Variants in CSMD2 observed in about 807,000 individuals in gnomAD.
CSMD2 encodes CUB and sushi domain-containing protein 2.
In CSMD2, 130 loss-of-function variants were observed where a neutral mutation model predicts 398.5. The ratio of observed to expected loss-of-function variants is 0.33; its 90% CI spans 0.28 to 0.38. CSMD2 has a LOEUF of 0.38. Ranked by LOEUF, CSMD2 falls within the 10% of genes least tolerant of loss-of-function variation. The pLI is 1.00. For missense variants in CSMD2, 3,829 were observed against 4,764.9 expected (o/e 0.80, Z 5.78); for synonymous variants, 1,828 against 1,908.5 (o/e 0.96, Z 1.10).
At chr1:33,852,554 T>C (rs1429895684) in intron 5 of CSMD2, among the ~76,000 whole-genome samples, 2 of 152,234 alleles carry the variant, frequency 1.3e-5, no homozygotes, top group Non-Finnish European at 2.9e-5. Context: ...ACTGATCCTA[T>C]AAACCTAACT....
At chr1:33,840,636 T>C (rs1194163681) in intron 6 of CSMD2, among the ~76,000 whole-genome samples, 1 of 152,344 alleles carries the variant, frequency 6.6e-6, no homozygotes, top group Admixed American at 6.5e-5. Flanking sequence ...TTTAAATTCA[T>C]TTCCTGTCAA....
In CSMD2 at chr1:33,572,406, T is replaced by TCC. The variant is rs1491205005; in HGVS notation, c.7762+98_7762+99dup. 163 of 994,048 alleles carry TCC rather than the reference T, an allele frequency of 1.6e-4. No individual in the cohort carries two copies. In the East Asian group the frequency reaches 3.1e-3, roughly 19 times the overall value. 61.6% of individuals were successfully genotyped at this position (994,048 alleles called of 1,614,324 possible). A position where few individuals can be genotyped will look rare whatever the true frequency, so the allele number is the denominator to read the frequency against. Reference sequence around the variant, plus strand: ...CCATGTCCATGTTTTTTTTTTTTTTTCCCCCTCATTACTTTGCTTTTAGCT... The same window carrying TCC: ...CCATGTCCATGTTTTTTTTTTTTTTTCCCCCCCTCATTACTTTGCTTTTAGCT... On this transcript the variant is annotated intron_variant, in intron 50 of 70. Coordinates refer to ENST00000373381, the MANE Select transcript of CSMD2 (RefSeq NM_001281956.2).
intron 4 of CSMD2, among the ~76,000 whole-genome samples, chr1:33,930,447 G>C (rs1009874083): frequency 5.3e-5 from 8 of 152,196 alleles, no homozygotes; most frequent in Non-Finnish European, 5.9e-5. Context: ...ATACAGCTCA[G>C]CGCTTGCAGT....
At chr1:34,013,099 C>G (rs1010672342) in intron 3 of CSMD2, among the ~76,000 whole-genome samples, 2 of 152,192 alleles carry the variant, frequency 1.3e-5, no homozygotes, top group Admixed American at 6.5e-5. Context: ...TTATGGCCAT[C>G]GACAAAGGCA....
rs1249535467 is a variant in CSMD2 at position 33,633,878 on chromosome 1, T to G, written c.5087-343A>C. Among the ~76,000 whole-genome samples the G allele has an allele frequency of 6.6e-6, 1 of 152,194 alleles. No individual in the cohort carries two copies. The highest frequency in any genetic ancestry group is 1.5e-5 in the Non-Finnish European group (1 of 68,022). On this transcript the variant is annotated intron_variant, in intron 31 of 70. Coordinates refer to ENST00000373381, the MANE Select transcript of CSMD2 (RefSeq NM_001281956.2). This position sits in a 1 kb window ranked among gnomAD's most constrained non-coding sequence, Gnocchi z 5.0. Reference sequence around the variant, plus strand: ...AGCTATCTGGAGGCCATCAGAGGGCTTTGGGTACCATCCCTCATTCTCCAT... The same window carrying G: ...AGCTATCTGGAGGCCATCAGAGGGCGTTGGGTACCATCCCTCATTCTCCAT...
At chr1:33,728,993 T>G (rs191251630) in intron 15 of CSMD2, among the ~76,000 whole-genome samples, 1 of 144,252 alleles carries the variant, frequency 6.9e-6, no homozygotes, top group African/African-American at 2.9e-5. Context: ...GGTGGACACA[T>G]GAGACCTTAG....
chr1:33,916,161 A>G (rs1643712287), intron 5 of CSMD2, among the ~76,000 whole-genome samples: 1 of 152,228 alleles, frequency 6.6e-6, no homozygotes, highest in Non-Finnish European at 1.5e-5. Context: ...AAAACATTTC[A>G]TGACACAATA....
At chr1:33,702,473 T>C (rs1326645276) in intron 22 of CSMD2, among the ~76,000 whole-genome samples, 1 of 152,190 alleles carries the variant, frequency 6.6e-6, no homozygotes, top group Non-Finnish European at 1.5e-5. Flanking sequence ...GAAAAACTTA[T>C]AAAACAGAAA....
In CSMD2 at chr1:33,566,794, A is replaced by G. The variant is rs533173897; in HGVS notation, c.8380+799T>C. On this transcript the variant is annotated intron_variant, in intron 53 of 70. Coordinates refer to ENST00000373381, the MANE Select transcript of CSMD2 (RefSeq NM_001281956.2). Reference sequence around the variant, plus strand: ...CAGCAACCATCTTTATAGAACAGAAACTACAGGAAGTGCAAGGAAAAACAG... The same window carrying G: ...CAGCAACCATCTTTATAGAACAGAAGCTACAGGAAGTGCAAGGAAAAACAG... Among the ~76,000 whole-genome samples the G allele has an allele frequency of 4.1e-4, 63 of 152,330 alleles. No individual in the cohort carries two copies. The South Asian group carries it at 4.3e-3, about 11-fold the overall frequency.
At chr1:33,578,471 G>A (rs1417807172) in intron 48 of CSMD2, among the ~76,000 whole-genome samples, 2 of 152,122 alleles carry the variant, frequency 1.3e-5, no homozygotes, top group Admixed American at 6.5e-5. Context: ...CCAGCTACTC[G>A]GGAGGCTAAG....
At chr1:33,551,693 A>G (rs1357812209) in intron 55 of CSMD2, among the ~76,000 whole-genome samples, 1 of 152,208 alleles carries the variant, frequency 6.6e-6, no homozygotes, top group Non-Finnish European at 1.5e-5. Context: ...ATCTGCAAAG[A>G]CTGCTGCTAC....
chr1:33,566,746 G>A (rs1165095218), intron 53 of CSMD2, among the ~76,000 whole-genome samples: 2 of 152,162 alleles, frequency 1.3e-5, no homozygotes, highest in Non-Finnish European at 2.9e-5. Context: ...TACTAGTTAT[G>A]AATATCTATG....
chr1:33,700,851 T>A (rs1244721604), intron 22 of CSMD2, among the ~76,000 whole-genome samples, 178 bp from the exon 23 acceptor site: 2 of 152,266 alleles, frequency 1.3e-5, no homozygotes, highest in Non-Finnish European at 2.9e-5. Context: ...GAGCAAGTTA[T>A]CTCGTTTTCC....
intron 3 of CSMD2, among the ~76,000 whole-genome samples, chr1:33,978,086 G>A (rs1251465948): frequency 6.6e-6 from 1 of 152,036 alleles, no homozygotes; most frequent in African/African-American, 2.4e-5. Flanking sequence ...GCAAGGTGGA[G>A]ACTTTATTAT....
intron 1 of CSMD2, among the ~76,000 whole-genome samples, chr1:34,140,293 C>CAAAAAA (rs6143187): frequency 2.9e-5 from 4 of 138,756 alleles, no homozygotes; most frequent in South Asian, 2.3e-4. Flanking sequence ...TCGGCATATG[C>CAAAAAA]AAAAAAACAA....
chr1:34,098,725 ATTAAG>A (rs869176170), intron 1 of CSMD2, among the ~76,000 whole-genome samples: 40 of 152,286 alleles, frequency 2.6e-4, no homozygotes, highest in African/African-American at 9.1e-4. Context: ...TGGGAAAAGA[ATTAAG>A]TTATCTCCTC....
intron 24 of CSMD2, among the ~76,000 whole-genome samples, chr1:33,695,465 T>C (rs1023003568): frequency 2.0e-5 from 3 of 152,120 alleles, no homozygotes; most frequent in African/African-American, 4.8e-5. Flanking sequence ...ACATTCCCCA[T>C]TGGAGCAGTC....
At chr1:33,885,297 C>T (rs1459724664) in intron 5 of CSMD2, 1 of 152,138 alleles carries the variant, frequency 6.6e-6, no homozygotes, top group Non-Finnish European at 1.5e-5. Context: ...TGAATGGAAA[C>T]CCCTTAAGAT....
rs185558960 is a variant in CSMD2, at chr1:33,929,968, A to G, written c.712+5792T>C. On this transcript the variant is annotated intron_variant, in intron 4 of 70. Coordinates refer to ENST00000373381, the MANE Select transcript of CSMD2 (RefSeq NM_001281956.2). ...AAAGTAGCCTTCCCCATCACTGGCT[A>G]AGACTTTACTTCCTCGTAGCTCCTA... Among the ~76,000 whole-genome samples the G allele has an allele frequency of 2.6e-5, 4 of 152,264 alleles. No homozygotes were observed. The East Asian group carries it at 7.7e-4, about 29-fold the overall frequency.
Sources: gnomAD v4.1 joint callset for allele counts (sites outside exome capture counted in the v4.1 genomes callset) on GRCh38, gnomAD v4.1.1 for gene constraint, Gnocchi (gnomAD v3.1) non-coding constraint, MANE v1.5 for transcripts, NCBI Gene and HGNC (gene_info 2026-07-23, HGNC 2026-07-21) for gene names.